The following XRCC6 variants were observed in gnomAD, a reference collection of about 807,000 sequenced individuals.
XRCC6 encodes the protein DNA repair protein Ku70.
Under a neutral mutation model 65.7 loss-of-function variants are expected in XRCC6, and 5 were observed. The ratio of observed to expected loss-of-function variants is 0.08; its 90% CI spans 0.04 to 0.16. The LOEUF (loss-of-function observed/expected upper bound fraction) is 0.16. Among genes scored for constraint, XRCC6 ranks in the 10% least tolerant of loss-of-function variants. The pLI is 1.00. For synonymous variants in XRCC6, 270 were observed against 270.6 expected, an observed-to-expected ratio of 1.00 and a Z score of 0.02; for missense variants, 447 against 738.1, an observed-to-expected ratio of 0.61 and a Z score of 4.57.
In XRCC6 at chr22:41,631,135, G is replaced by A. The variant is rs57431456; in HGVS notation, c.195+2905G>A. Among the ~76,000 whole-genome samples, 1,378 of 148,614 alleles carry A rather than the reference G, an allele frequency of 9.3e-3. 17 individuals carry two copies. The highest frequency in any genetic ancestry group is 0.033 in the African/African-American group (1,323 of 40,094). On this transcript the variant is annotated intron_variant, in intron 3 of 12. Coordinates refer to ENST00000360079, the MANE Select transcript of XRCC6 (RefSeq NM_001469.5). The stretch of plus-strand genomic sequence containing the variant: ...TCCTGGACGGGGCGGCTGGCAGGGC[G>A]GGGGGCTGACCCCCCCACCTCCCTC...
At chr22:41,625,843 A>G (rs552026326) in intron 2 of XRCC6, among the ~76,000 whole-genome samples, 2 of 152,234 alleles carry the variant, frequency 1.3e-5, no homozygotes, top group South Asian at 4.1e-4. Context: ...AATTAATTCA[A>G]TAATTTTATT....
At chr22:41,653,971 G>T (rs2068023628) in intron 9 of XRCC6, among the ~76,000 whole-genome samples, 1 of 152,120 alleles carries the variant, frequency 6.6e-6, no homozygotes, top group South Asian at 2.1e-4. Context: ...ACAAGTTCTT[G>T]GGACCTCACT....
chr22:41,660,776 T>A (rs1231758134), intron 11 of XRCC6, among the ~76,000 whole-genome samples: 4 of 151,120 alleles, frequency 2.6e-5, no homozygotes, highest in Non-Finnish European at 5.9e-5. Context: ...TTTATCCACC[T>A]CCTCTCTCTC....
intron 2 of XRCC6, among the ~76,000 whole-genome samples, chr22:41,624,212 C>G (rs1389957200): frequency 6.6e-6 from 1 of 151,822 alleles, no homozygotes; most frequent in Admixed American, 6.6e-5. Context: ...TGGCAAAACC[C>G]CATCTCTACT....
At chr22:41,626,643 G>T (rs11705517) in intron 2 of XRCC6, among the ~76,000 whole-genome samples, 43,368 of 128,742 alleles carry the variant, frequency 0.34, 8,111 homozygotes, top group Non-Finnish European at 0.45. Flanking sequence ...TTTTTTTTTT[G>T]TTTTTTTTTT....
At chr22:41,660,652 C>CTGCTATTTCTCTCCCAG (rs1408690814) in intron 11 of XRCC6, among the ~76,000 whole-genome samples, 2 of 152,138 alleles carry the variant, frequency 1.3e-5, no homozygotes, top group East Asian at 3.9e-4. Flanking sequence ...TATATGTCAC[C>CTGCTATTTCTCTCCCAG]TGCTATTTCT....
chr22:41,631,341 G>A (rs1047745397), intron 3 of XRCC6, among the ~76,000 whole-genome samples: 9 of 151,586 alleles, frequency 5.9e-5, no homozygotes, highest in Non-Finnish European at 1.0e-4. Context: ...TGGGGTGGCT[G>A]CCGGGCGGAG....
At chr22:41,622,529 A>G (rs1236400573) in intron 2 of XRCC6, among the ~76,000 whole-genome samples, 1 of 152,154 alleles carries the variant, frequency 6.6e-6, no homozygotes, top group Non-Finnish European at 1.5e-5. Flanking sequence ...CACGTTTGGG[A>G]GTGTATGTGC....
chr22:41,641,083 A>T (rs920516609), intron 6 of XRCC6, among the ~76,000 whole-genome samples: 4 of 152,102 alleles, frequency 2.6e-5, no homozygotes, highest in Non-Finnish European at 1.5e-5. Flanking sequence ...TCTCTTTATT[A>T]AAAAAATTAA....
chr22:41,663,549 C>A, intron 12 of XRCC6, 73 bp from the exon 13 acceptor site: 1 of 1,513,682 alleles, frequency 6.6e-7, no homozygotes, highest in Non-Finnish European at 9.0e-7. Flanking sequence ...ATACGAGGTC[C>A]CCCATGCCAT....
intron 2 of XRCC6, among the ~76,000 whole-genome samples, chr22:41,625,281 C>G (rs1211966577): frequency 1.3e-5 from 2 of 152,184 alleles, no homozygotes; most frequent in Non-Finnish European, 2.9e-5. Flanking sequence ...GTTTAAGGTT[C>G]TTGACACACA....
chr22:41,631,087 G>T (rs2067740239), intron 3 of XRCC6, among the ~76,000 whole-genome samples: 1 of 150,940 alleles, frequency 6.6e-6, no homozygotes, highest in Admixed American at 6.6e-5. Context: ...TGGCCGGGTG[G>T]GGGGATGACC....
intron 6 of XRCC6, among the ~76,000 whole-genome samples, chr22:41,642,269 G>A (rs1225271964): frequency 6.6e-6 from 1 of 152,088 alleles, no homozygotes; most frequent in Admixed American, 6.5e-5. Flanking sequence ...AGTATTTTCA[G>A]GAACCTCCAA....
Position 41,639,329 on chromosome 22 carries a change from C to CTTTTTTTTTTTTTTTTTTTTT in XRCC6, c.773+1543_773+1563dup, listed in dbSNP as rs386395480. Among the ~76,000 whole-genome samples the CTTTTTTTTTTTTTTTTTTTTT allele has an allele frequency of 7.7e-5, 5 of 64,584 alleles. 1 individual carries two copies. Among genetic ancestry groups the CTTTTTTTTTTTTTTTTTTTTT allele is most frequent in the Admixed American group, 2.6e-4 (1 of 3,890 alleles). The allele number at this position is 64,584 out of a possible 152,430, so 42.4% of individuals were successfully genotyped here. A position where few individuals can be genotyped will look rare whatever the true frequency, so the allele number is the denominator to read the frequency against. ...GGAACCAGATTGCTAGATTCTTTTT[C>CTTTTTTTTTTTTTTTTTTTTT]TTTTTTTTTTTTTTTTTTTTTTTTT... On this transcript the variant is annotated intron_variant, in intron 6 of 12. Coordinates refer to ENST00000360079, the MANE Select transcript of XRCC6 (RefSeq NM_001469.5).
chr22:41,635,256 A>T (rs1164875258), intron 3 of XRCC6, among the ~76,000 whole-genome samples: 2 of 152,234 alleles, frequency 1.3e-5, no homozygotes, highest in African/African-American at 2.4e-5. Context: ...TACTTGGCAC[A>T]TGGCAAATTC....
intron 8 of XRCC6, among the ~76,000 whole-genome samples, chr22:41,653,280 T>C (rs1414822446): frequency 6.6e-6 from 1 of 152,088 alleles, no homozygotes; most frequent in Non-Finnish European, 1.5e-5. Flanking sequence ...GGTGTGTGAC[T>C]GTAGTCCCAG....
At chr22:41,625,744 G>A (rs1432395215) in intron 2 of XRCC6, among the ~76,000 whole-genome samples, 2 of 152,150 alleles carry the variant, frequency 1.3e-5, no homozygotes, top group African/African-American at 4.8e-5. Context: ...GCAGAGGATC[G>A]CTCAAGCCCA....
At chr22:41,653,886 G>T (rs28384765) in intron 9 of XRCC6, among the ~76,000 whole-genome samples, 196 bp downstream of exon 9, 5,344 of 152,226 alleles carry the variant, frequency 0.035, 217 homozygotes, top group African/African-American at 0.098. Context: ...TGCACAGCAT[G>T]CGCAGCCGTA....
At chr22:41,642,041 A>G (rs2067883329) in intron 6 of XRCC6, among the ~76,000 whole-genome samples, 1 of 152,210 alleles carries the variant, frequency 6.6e-6, no homozygotes, top group South Asian at 2.1e-4. Flanking sequence ...CACCTGCCTC[A>G]GGATCTCATT....
Sources: gnomAD v4.1 joint callset for allele counts (sites outside exome capture counted in the v4.1 genomes callset) on GRCh38, gnomAD v4.1.1 for gene constraint, MANE v1.5 for transcripts, NCBI Gene and HGNC (gene_info 2026-07-23, HGNC 2026-07-21) for gene names.